CDH26: variants seen among roughly 807,000 people sequenced by gnomAD.
CDH26 encodes cadherin 26.
Under a neutral mutation model 90.3 loss-of-function variants are expected in CDH26, and 83 were observed. The ratio of observed to expected loss-of-function variants is 0.92; its 90% confidence interval spans 0.77 to 1.10. CDH26 has a LOEUF of 1.10. Ranked by LOEUF, CDH26 falls within the 50% of genes least tolerant of loss-of-function variation. The pLI, the probability that CDH26 is intolerant of heterozygous loss-of-function variation, is 0.00. For synonymous variants in CDH26, 397 were observed against 396.3 expected (o/e 1.00, Z -0.02); for missense variants, 1,013 against 1,037.6 (o/e 0.98, Z 0.33).
chr20:59,987,415 T>C, intron 7 of CDH26, 38 bp from the exon 8 acceptor site: 1 of 1,553,042 alleles, frequency 6.4e-7, no homozygotes, highest in Non-Finnish European at 8.7e-7. Flanking sequence ...ATTGTGTTTT[T>C]GTTTCCATGA....
intron 9 of CDH26, among the ~76,000 whole-genome samples, chr20:59,990,794 A>C (rs1485563663): frequency 6.6e-6 from 1 of 151,966 alleles, no homozygotes; most frequent in East Asian, 1.9e-4. Context: ...CTGTCAAACT[A>C]TAGTGTGTAT....
At position 60,012,794 on chromosome 20, in the gene CDH26, T is replaced by C. The variant is rs2061865586; in HGVS notation, c.*64T>C. The C allele has an allele frequency of 6.6e-7, 1 of 1,507,764 alleles. No individual in the cohort carries two copies. The highest frequency in any genetic ancestry group is 9.1e-7 in the Non-Finnish European group (1 of 1,098,682). 93.4% of individuals were successfully genotyped at this position (1,507,764 alleles called of 1,614,324 possible). On this transcript the variant is annotated 3_prime_UTR_variant, in exon 18 of 18. Coordinates refer to ENST00000348616, the MANE Select transcript of CDH26 (RefSeq NM_177980.4). Reference sequence around the variant, plus strand: ...GAAGGGAATCACTATTCAGGGATTTTTCCCCTTTGCTCTTCTTTTCCCTCC... The same window carrying C: ...GAAGGGAATCACTATTCAGGGATTTCTCCCCTTTGCTCTTCTTTTCCCTCC...
intron 7 of CDH26, among the ~76,000 whole-genome samples, chr20:60,022,221 CAT>C (rs1342282111): frequency 6.6e-6 from 1 of 152,072 alleles, no homozygotes; most frequent in Non-Finnish European, 1.5e-5. Context: ...ATGGAATTCA[CAT>C]ATACTCATGA....
rs1461289896 is a variant in CDH26 at position 59,969,028 on chromosome 20, G to C, written c.126+5G>C. ...GATCTTACTAAGCAAACAAAGGTGA[G>C]GTTTGGAAGTCAGTTTCTTAATATA... On this transcript the variant is annotated splice_donor_5th_base_variant and intron_variant, in intron 2 of 17. Coordinates refer to ENST00000348616, the MANE Select transcript of CDH26 (RefSeq NM_177980.4). 3 of 1,580,782 alleles carry C rather than the reference G, an allele frequency of 1.9e-6. No homozygotes were observed. The highest frequency in any genetic ancestry group is 3.3e-5 in the Admixed American group (2 of 59,872).
intron 17 of CDH26, among the ~76,000 whole-genome samples, chr20:60,007,273 A>G (rs1193735448): frequency 6.6e-6 from 1 of 152,218 alleles, no homozygotes; most frequent in African/African-American, 2.4e-5. Flanking sequence ...AATCACTTTC[A>G]TGGAAATCCT....
intron 7 of CDH26, among the ~76,000 whole-genome samples, chr20:60,024,197 C>T (rs1255879270): frequency 6.6e-6 from 1 of 152,190 alleles, no homozygotes; most frequent in African/African-American, 2.4e-5. Flanking sequence ...GGGGTTGGAA[C>T]AACCAACCTT....
At chr20:59,989,552 A>AG (rs1283727016) in intron 9 of CDH26, among the ~76,000 whole-genome samples, 1 of 151,124 alleles carries the variant, frequency 6.6e-6, no homozygotes, top group African/African-American at 2.4e-5. Context: ...AAAAAAAAAA[A>AG]AGAAAAGAAA....
chr20:59,969,871 C>T lies in CDH26; in HGVS notation c.127-211C>T, dbSNP rs182055977. ...TATCTCAAGAACCACGTCAAATCAT[C>T]GGACAGCATCCACCCCGTGGTTAGA... On this transcript the variant is annotated intron_variant, in intron 2 of 17. Transcript: ENST00000348616. Among the ~76,000 whole-genome samples the T allele has an allele frequency of 9.9e-5, 15 of 152,266 alleles. No homozygotes were observed. In the East Asian group the frequency reaches 1.5e-3, roughly 16 times the overall value.
At position 59,972,121 on chromosome 20, in the gene CDH26, A is replaced by G; in HGVS notation, c.391A>G (p.Thr131Ala). ...CGATCGAGAAATGACACCATCTTTC[A>G]CGGTATCTAAAACTTGATATATTCT... The part of the protein sequence containing the change: ...PVDREMTPSF[T>A]VYFDVVERST... The change falls in exon 4 of 18, where the codon ACG becomes GCG. Residue 131 changes from threonine to alanine, a missense_variant and splice_region_variant. By Grantham distance (58) the Thr-to-Ala change is moderately conservative (BLOSUM62 0). Coordinates refer to ENST00000348616, the MANE Select transcript of CDH26 (RefSeq NM_177980.4). 3 of 1,613,470 alleles carry G rather than the reference A, an allele frequency of 1.9e-6. No homozygotes were observed. Among genetic ancestry groups the G allele is most frequent in the Non-Finnish European group, 2.5e-6 (3 of 1,179,662 alleles).
Position 59,985,073 on chromosome 20 carries a change from G to C in CDH26, c.781G>C (p.Val261Leu), listed in dbSNP as rs376455734. The C allele has an allele frequency of 6.2e-7, 1 of 1,614,056 alleles. No individual in the cohort carries two copies. Among genetic ancestry groups the C allele is most frequent in the East Asian group, 2.2e-5 (1 of 44,880 alleles). Residue 261 changes from valine to leucine, a missense_variant, in exon 7 of 18, where the codon GTT becomes CTT. Physicochemically the swap from Val to Leu is conservative, Grantham distance 32. Coordinates refer to ENST00000348616, the MANE Select transcript of CDH26 (RefSeq NM_177980.4). ...ACCGTCACTGTCATCCACGACCACC[G>C]TTCACGTGGATGTGCAAGAAGGCAA... Reference protein sequence around the residue: ...GEPSLSSTTTVHVDVQEGNNH... With the variant: ...GEPSLSSTTTLHVDVQEGNNH...
In CDH26 at chr20:59,966,633, C is replaced by T. The variant is rs1348210981; in HGVS notation, c.70-2334C>T. Among the ~76,000 whole-genome samples, 12 of 152,274 alleles carry T rather than the reference C, an allele frequency of 7.9e-5. No homozygotes were observed. The South Asian group carries it at 2.5e-3, about 32-fold the overall frequency. Reference sequence around the variant, plus strand: ...AGGCATCAGCAATTCCACTCACCAACGTTATTGTTTTGCACCATCAGTGCA... The same window carrying T: ...AGGCATCAGCAATTCCACTCACCAATGTTATTGTTTTGCACCATCAGTGCA... On this transcript the variant is annotated intron_variant, in intron 1 of 17. Coordinates refer to ENST00000348616, the MANE Select transcript of CDH26 (RefSeq NM_177980.4).
In CDH26 at chr20:59,971,988, G is replaced by A; in HGVS notation, c.258G>A (p.Met86Ile). 1 of 1,613,352 alleles carries A rather than the reference G, an allele frequency of 6.2e-7. No homozygotes were observed. Among genetic ancestry groups the A allele is most frequent in the Non-Finnish European group, 8.5e-7 (1 of 1,179,580 alleles). The change falls in exon 4 of 18, where the codon ATG becomes ATA. Residue 86 changes from methionine (M) to isoleucine (I), a missense_variant. Physicochemically the swap from Met to Ile is conservative, Grantham distance 10. Coordinates refer to ENST00000348616, the MANE Select transcript of CDH26 (RefSeq NM_177980.4). ...GELFNNMSYN[M>I]SLMYLISGPG... The stretch of plus-strand genomic sequence containing the variant: ...TGTTCAATAATATGTCTTATAACAT[G>A]TCACTAATGTATCTAATCAGTGGAC...
intron 4 of CDH26, among the ~76,000 whole-genome samples, chr20:59,973,074 C>T (rs906033814): frequency 1.3e-5 from 2 of 152,172 alleles, no homozygotes; most frequent in African/African-American, 2.4e-5. Context: ...GGACTTTTAA[C>T]AGTGCCTGTT....
intron 8 of CDH26, among the ~76,000 whole-genome samples, chr20:60,032,665 G>A (rs1000295992): frequency 2.0e-5 from 3 of 152,100 alleles, no homozygotes; most frequent in Non-Finnish European, 4.4e-5. Context: ...ATACTATTCA[G>A]CCATAAAAAA....
Position 59,970,180 on chromosome 20 carries a change from T to C in CDH26, c.225T>C (p.Ile75=). Residue 75 remains isoleucine (I), a synonymous_variant, in exon 3 of 18, where the codon ATT becomes ATC. Transcript: ENST00000348616. ...EEDPGPFPKL[I]GELFNNMSYN... is the part of the protein sequence containing the mutation. ...ACCCGGGACCCTTTCCCAAACTCAT[T>C]GGTGAGGTAAGGTGCCTACTCTTAA... 6.2e-7 allele frequency: 1 copy of C among 1,613,794 alleles called. No individual in the cohort carries two copies. The highest frequency in any genetic ancestry group is 8.5e-7 in the Non-Finnish European group (1 of 1,179,882).
chr20:60,002,818 T>C lies in CDH26; in HGVS notation c.2172T>C (p.Tyr724=). The C allele has an allele frequency of 6.2e-7, 1 of 1,602,282 alleles. No individual in the cohort carries two copies. Among genetic ancestry groups the C allele is most frequent in the Non-Finnish European group, 8.5e-7 (1 of 1,172,416 alleles). Reference sequence around the variant, plus strand: ...ATATTTCATCTTTCTTTAAGGGTTATGGCAAGCCCTTTGAGCCAAGAAGTG... The same window carrying C: ...ATATTTCATCTTTCTTTAAGGGTTACGGCAAGCCCTTTGAGCCAAGAAGTG... ...QARCALGSWG[Y]GKPFEPRSVK... The change falls in exon 16 of 18, where the codon TAT becomes TAC. Residue 724 remains tyrosine (Y), a synonymous_variant. Coordinates refer to ENST00000348616, the MANE Select transcript of CDH26 (RefSeq NM_177980.4).
intron 1 of CDH26, among the ~76,000 whole-genome samples, chr20:59,968,465 A>ATATAAAT (rs2061207292): frequency 6.6e-6 from 1 of 152,192 alleles, no homozygotes. Context: ...GATTGTTGAG[A>ATATAAAT]TATAAATTAT....
downstream of CDH26, among the ~76,000 whole-genome samples, chr20:60,035,841 GT>G (rs1355130049): frequency 1.3e-5 from 2 of 151,914 alleles, no homozygotes; most frequent in Non-Finnish European, 2.9e-5. Context: ...AGAAGAGCAT[GT>G]TTGCTTCCCC....
At chr20:60,018,690 C>G (rs541002844), downstream of CDH26, among the ~76,000 whole-genome samples, 170 of 74,462 alleles carry the variant, frequency 2.3e-3, no homozygotes, top group African/African-American at 8.4e-3. Flanking sequence ...TTCTTACTTC[C>G]TCTCTTACTG....
Sources: allele counts gnomAD v4.1 joint callset (sites outside exome capture counted in the v4.1 genomes callset), GRCh38; gene constraint gnomAD v4.1.1; transcripts MANE v1.5; gene names NCBI Gene and HGNC (gene_info 2026-07-23, HGNC 2026-07-21).